The following NKAIN2 variants were observed in gnomAD, a reference collection of about 807,000 sequenced individuals.
The protein encoded by NKAIN2 is sodium/potassium-transporting ATPase subunit beta-1-interacting protein 2.
Under a neutral mutation model 32.6 loss-of-function variants are expected in NKAIN2, and 14 were observed. The observed-to-expected ratio is 0.43, with a 90% confidence interval of 0.28 to 0.67. The LOEUF is 0.67. Ranked by LOEUF, NKAIN2 falls within the 30% of genes least tolerant of loss-of-function variation. NKAIN2 has a pLI of 0.17. For synonymous variants in NKAIN2, 80 were observed against 87.2 expected (o/e 0.92, Z 0.46); for missense variants, 198 against 258.3 (o/e 0.77, Z 1.60).
chr6:124,480,363 C>A (rs1777396029), intron 3 of NKAIN2, among the ~76,000 whole-genome samples: 1 of 151,980 alleles, frequency 6.6e-6, no homozygotes, highest in South Asian at 2.1e-4. Flanking sequence ...TCCTTCAGGC[C>A]AAGGTTTGTA....
chr6:123,864,209 A>G (rs961694330), intron 1 of NKAIN2, among the ~76,000 whole-genome samples: 1 of 152,166 alleles, frequency 6.6e-6, no homozygotes, highest in Non-Finnish European at 1.5e-5. Flanking sequence ...ACATTGTAAG[A>G]AGTAGTTAGA....
At chr6:124,343,989 A>T (rs890365169) in intron 2 of NKAIN2, among the ~76,000 whole-genome samples, 3 of 151,900 alleles carry the variant, frequency 2.0e-5, no homozygotes, top group African/African-American at 7.2e-5. Context: ...TCTTTAATCC[A>T]TCTTAAATTA....
chr6:124,434,338 C>T (rs888766417), intron 3 of NKAIN2, among the ~76,000 whole-genome samples: 1 of 152,164 alleles, frequency 6.6e-6, no homozygotes, highest in African/African-American at 2.4e-5. Flanking sequence ...AAAAAAGACA[C>T]ACTTAACATT....
At chr6:123,975,174 T>A (rs1778502020) in intron 1 of NKAIN2, among the ~76,000 whole-genome samples, 1 of 152,136 alleles carries the variant, frequency 6.6e-6, no homozygotes, top group Admixed American at 6.5e-5. Context: ...GTTAAACAGG[T>A]AAAATAAAAT....
At chr6:123,840,370 C>T (rs1282894773) in intron 1 of NKAIN2, among the ~76,000 whole-genome samples, 1 of 151,948 alleles carries the variant, frequency 6.6e-6, no homozygotes, top group Admixed American at 6.6e-5. Context: ...AAAAATGAAA[C>T]ACAGTTTTTC....
At chr6:124,141,609 T>C (rs1787143576) in intron 1 of NKAIN2, among the ~76,000 whole-genome samples, 1 of 152,070 alleles carries the variant, frequency 6.6e-6, no homozygotes, top group Non-Finnish European at 1.5e-5. Flanking sequence ...CTCCCTCTCC[T>C]ATGAAACTTC....
intron 3 of NKAIN2, among the ~76,000 whole-genome samples, chr6:124,419,958 A>G (rs914814677): frequency 1.3e-5 from 2 of 152,092 alleles, no homozygotes; most frequent in African/African-American, 4.8e-5. Flanking sequence ...TTTTCCCGGA[A>G]TATCCTGGAA....
At chr6:123,892,038 C>T (rs965672841) in intron 1 of NKAIN2, among the ~76,000 whole-genome samples, 1 of 152,090 alleles carries the variant, frequency 6.6e-6, no homozygotes, top group Non-Finnish European at 1.5e-5. Context: ...CATATTCAGT[C>T]TCAGAGAACC....
At chr6:123,924,647 G>A (rs1775923634) in intron 1 of NKAIN2, among the ~76,000 whole-genome samples, 2 of 152,054 alleles carry the variant, frequency 1.3e-5, no homozygotes, top group South Asian at 2.1e-4. Flanking sequence ...GACCTGGATC[G>A]TTCAGTTCAG....
intron 3 of NKAIN2, among the ~76,000 whole-genome samples, chr6:124,641,973 T>C (rs778246598): frequency 1.5e-4 from 23 of 152,168 alleles, no homozygotes; most frequent in Non-Finnish European, 2.9e-4. Flanking sequence ...CCTGAATAAC[T>C]AATGTCAGGA....
intron 3 of NKAIN2, among the ~76,000 whole-genome samples, chr6:124,384,526 T>C (rs1448445972): frequency 1.3e-5 from 2 of 152,196 alleles, no homozygotes; most frequent in African/African-American, 4.8e-5. Flanking sequence ...ATTGTCCCTA[T>C]TAATCACAAA....
intron 3 of NKAIN2, among the ~76,000 whole-genome samples, chr6:124,604,031 A>C (rs1782406431): frequency 6.6e-6 from 1 of 152,012 alleles, no homozygotes; most frequent in South Asian, 2.1e-4. Context: ...AAAAGGACAC[A>C]GTTTTCTTTG....
chr6:124,497,278 T>A (rs1404035825), intron 3 of NKAIN2, among the ~76,000 whole-genome samples: 1 of 152,198 alleles, frequency 6.6e-6, no homozygotes, highest in Admixed American at 6.5e-5. Flanking sequence ...GCATGCTTTT[T>A]ACAAGATGTA....
chr6:123,943,388 T>C (rs1397291513), intron 1 of NKAIN2, among the ~76,000 whole-genome samples: 1 of 152,046 alleles, frequency 6.6e-6, no homozygotes, highest in East Asian at 1.9e-4. Context: ...ATTATCTGAC[T>C]CCTTTAGGAA....
At chr6:124,292,451 C>A (rs1213920505) in intron 2 of NKAIN2, among the ~76,000 whole-genome samples, 1 of 152,054 alleles carries the variant, frequency 6.6e-6, no homozygotes, top group East Asian at 1.9e-4. Flanking sequence ...CTTTTTGAAC[C>A]AAAAGTGTAA....
At position 124,164,229 on chromosome 6, in the gene NKAIN2, C is replaced by T. The variant is rs113171904; in HGVS notation, c.55-118776C>T. ...CTTAATATACTTTCATTTTTTGCCACGGAAAATAGAGAGCCTAGAGTAAAA... is the reference window on the plus strand; with the variant it reads ...CTTAATATACTTTCATTTTTTGCCATGGAAAATAGAGAGCCTAGAGTAAAA... On this transcript the variant is annotated intron_variant, in intron 1 of 6. Coordinates refer to ENST00000368417, the MANE Select transcript of NKAIN2 (RefSeq NM_001040214.3). 2.8e-3 allele frequency among the ~76,000 whole-genome samples: 421 copies of T among 151,866 alleles called. 2 individuals are homozygous for T. Among genetic ancestry groups the T allele is most frequent in the African/African-American group, 9.7e-3 (403 of 41,478 alleles).
rs115279138 is a variant in NKAIN2, at chr6:124,529,143, C to A, written c.274-129043C>A. On this transcript the variant is annotated intron_variant, in intron 3 of 6. Transcript: ENST00000368417. ...AAGAAATAATTTCTTATGTCTTTTACTAACATTAGTTTCTAGCATCATCTT... is the reference window on the plus strand; with the variant it reads ...AAGAAATAATTTCTTATGTCTTTTAATAACATTAGTTTCTAGCATCATCTT... Among the ~76,000 whole-genome samples, 1,452 of 152,238 alleles carry A rather than the reference C, an allele frequency of 9.5e-3. 27 individuals carry two copies. Among genetic ancestry groups the A allele is most frequent in the African/African-American group, 0.033 (1,375 of 41,538 alleles).
At chr6:124,175,852 ATC>A (rs1789129017) in intron 1 of NKAIN2, among the ~76,000 whole-genome samples, 1 of 152,082 alleles carries the variant, frequency 6.6e-6, no homozygotes, top group Non-Finnish European at 1.5e-5. Context: ...GTGAATGTAC[ATC>A]TCTCTCTTGC....
chr6:124,348,076 C>G (rs1046401893), intron 2 of NKAIN2, among the ~76,000 whole-genome samples: 1 of 152,150 alleles, frequency 6.6e-6, no homozygotes, highest in Non-Finnish European at 1.5e-5. Flanking sequence ...AGCTGCAGGT[C>G]TGTTGGAGTT....
Sources: allele counts gnomAD v4.1 joint callset (sites outside exome capture counted in the v4.1 genomes callset), GRCh38; gene constraint gnomAD v4.1.1; transcripts MANE v1.5; gene names NCBI Gene and HGNC (gene_info 2026-07-23, HGNC 2026-07-21).